Variants in PARVA observed in about 807,000 individuals in gnomAD.
PARVA encodes the protein alpha-parvin.
A neutral mutation model predicts 52.6 loss-of-function variants in PARVA; 25 were observed. The ratio of observed to expected loss-of-function variants is 0.48; its 90% CI spans 0.35 to 0.66. PARVA has a LOEUF of 0.66. Among genes scored for constraint, PARVA ranks in the 30% least tolerant of loss-of-function variants. The pLI, the probability that PARVA is intolerant of heterozygous loss-of-function variation, is 0.01. For synonymous variants in PARVA, 185 were observed against 179.1 expected (o/e 1.03, Z -0.26); for missense variants, 373 against 450.9 (o/e 0.83, Z 1.56).
At chr11:12,409,301 C>T (rs998218622) in intron 1 of PARVA, among the ~76,000 whole-genome samples, 20 of 152,184 alleles carry the variant, frequency 1.3e-4, no homozygotes, top group Non-Finnish European at 2.6e-4. Context: ...GAATGGTTAT[C>T]TCCTACAGTT....
At chr11:12,389,727 G>A (rs1939630292) in intron 1 of PARVA, among the ~76,000 whole-genome samples, 1 of 152,102 alleles carries the variant, frequency 6.6e-6, no homozygotes, top group Non-Finnish European at 1.5e-5. Context: ...GATGCCTCAG[G>A]GGCTCAGTTT....
intron 1 of PARVA, among the ~76,000 whole-genome samples, chr11:12,380,857 T>C (rs533145726): frequency 3.3e-5 from 5 of 152,354 alleles, no homozygotes; most frequent in Admixed American, 3.3e-4. Flanking sequence ...TGCTATCAGC[T>C]TACTCAAAGA....
At chr11:12,496,656 G>A in intron 5 of PARVA, 58 bp downstream of exon 5, 2 of 1,545,974 alleles carry the variant, frequency 1.3e-6, no homozygotes, top group Non-Finnish European at 1.8e-6. Context: ...CCTGCCATGG[G>A]GCTTCCCCAA....
In PARVA at chr11:12,474,003, G is replaced by A. The variant is rs775179550; in HGVS notation, c.297+20G>A. 1.0e-5 allele frequency: 16 copies of A among 1,554,120 alleles called. No individual in the cohort carries two copies. The highest frequency in any genetic ancestry group is 4.1e-5 in the African/African-American group (3 of 73,250). ...ATGAAGGTAAGAAGAAATCAGGAGC[G>A]GCTTCAGGTGCCTCACTGACCCACC... is the stretch of plus-strand genomic sequence containing the variant. On this transcript the variant is annotated intron_variant, in intron 3 of 12. Transcript: ENST00000334956.
chr11:12,445,324 G>A (rs1158851648), intron 1 of PARVA, among the ~76,000 whole-genome samples: 3 of 152,164 alleles, frequency 2.0e-5, no homozygotes, highest in African/African-American at 7.2e-5. Context: ...CTAAATTCCA[G>A]GATAGAGAAA....
At chr11:12,524,944 G>T (rs2114389) in intron 12 of PARVA, among the ~76,000 whole-genome samples, 1 of 152,266 alleles carries the variant, frequency 6.6e-6, no homozygotes, top group Non-Finnish European at 1.5e-5. Context: ...GCGCCCAGGC[G>T]GGGGTCAGGA....
intron 12 of PARVA, among the ~76,000 whole-genome samples, chr11:12,527,469 CTTCTCTGCTA>C (rs1941718739): frequency 6.6e-6 from 1 of 152,296 alleles, no homozygotes; most frequent in East Asian, 1.9e-4. Context: ...GCAAGTCCCC[CTTCTCTGCTA>C]GGCAAGCTTC....
rs558031455 is a variant in PARVA at position 12,400,432 on chromosome 11, T to C, written c.136+22649T>C. 2.0e-3 allele frequency among the ~76,000 whole-genome samples: 302 copies of C among 152,346 alleles called. 1 individual carries two copies. Among genetic ancestry groups the C allele is most frequent in the African/African-American group, 7.0e-3 (292 of 41,584 alleles). On this transcript the variant is annotated intron_variant, in intron 1 of 12. Coordinates refer to ENST00000334956, the MANE Select transcript of PARVA (RefSeq NM_018222.5). Reference sequence around the variant, plus strand: ...TACTTCAGATTGGAGGGCAAGTCAATGTGTGTAGAAAGTCTGTGCATATGG... The same window carrying C: ...TACTTCAGATTGGAGGGCAAGTCAACGTGTGTAGAAAGTCTGTGCATATGG...
intron 4 of PARVA, among the ~76,000 whole-genome samples, chr11:12,486,093 C>G (rs1423910716): frequency 6.6e-6 from 1 of 152,144 alleles, no homozygotes; most frequent in East Asian, 1.9e-4. Context: ...GTACTAATGC[C>G]ATACATAAAT....
intron 4 of PARVA, among the ~76,000 whole-genome samples, chr11:12,492,604 CAGA>C (rs1372540170): frequency 6.6e-6 from 1 of 152,054 alleles, no homozygotes; most frequent in Non-Finnish European, 1.5e-5. Context: ...GTAGGAATAG[CAGA>C]AGAAGTTCGC....
intron 1 of PARVA, among the ~76,000 whole-genome samples, chr11:12,383,275 G>C (rs967249229): frequency 6.6e-6 from 1 of 152,100 alleles, no homozygotes; most frequent in African/African-American, 2.4e-5. Context: ...CTTGCCAGAG[G>C]GCCACTTTTC....
At chr11:12,421,016 CTT>C (rs10622434) in intron 1 of PARVA, among the ~76,000 whole-genome samples, 1 of 142,320 alleles carries the variant, frequency 7.0e-6, no homozygotes, top group Non-Finnish European at 1.5e-5. Context: ...CATGTTAGGA[CTT>C]TTTTTTTTTT....
intron 8 of PARVA, 123 bp downstream of exon 8, chr11:12,511,656 G>T: frequency 9.9e-7 from 1 of 1,006,784 alleles, no homozygotes; most frequent in Non-Finnish European, 1.5e-6. Flanking sequence ...ACCAGCCTGG[G>T]TGACATGGCC....
intron 6 of PARVA, among the ~76,000 whole-genome samples, chr11:12,505,879 G>A (rs761203890): frequency 5.3e-5 from 8 of 152,302 alleles, no homozygotes; most frequent in South Asian, 4.1e-4. Flanking sequence ...GGTGGACATC[G>A]TCCCCATAGG....
chr11:12,412,247 G>A (rs1940001509), intron 1 of PARVA, among the ~76,000 whole-genome samples: 3 of 152,218 alleles, frequency 2.0e-5, no homozygotes, highest in Admixed American at 2.0e-4. Flanking sequence ...CTGGCACACA[G>A]TAGGTGCTTA....
At chr11:12,429,729 G>A (rs145080541) in intron 1 of PARVA, among the ~76,000 whole-genome samples, 33 of 152,148 alleles carry the variant, frequency 2.2e-4, no homozygotes, top group Non-Finnish European at 4.0e-4. Context: ...CATTTATGCC[G>A]GTGGTTGCAA....
rs145030567 is a variant in PARVA, at chr11:12,381,295, G to A, written c.136+3512G>A. Among the ~76,000 whole-genome samples, 22 of 152,252 alleles carry A rather than the reference G, an allele frequency of 1.4e-4. No homozygotes were observed. The East Asian group carries it at 3.7e-3, about 25-fold the overall frequency. ...GCATCCTGGATAAGCTCACAGCTTT[G>A]TGCTCTGTAGAATCTGCCTTCTTCA... On this transcript the variant is annotated intron_variant, in intron 1 of 12. Transcript: ENST00000334956.
chr11:12,466,108 C>T (rs60296579), intron 1 of PARVA, among the ~76,000 whole-genome samples: 2,941 of 152,196 alleles, frequency 0.019, 92 homozygotes, highest in African/African-American at 0.066. Flanking sequence ...AATGAACACC[C>T]TCTCATATGC....
chr11:12,477,955 A>T lies in PARVA; in HGVS notation c.400+6A>T. 6.7e-7 allele frequency: 1 copy of T among 1,489,062 alleles called. No individual in the cohort carries two copies. The highest frequency in any genetic ancestry group is 9.4e-7 in the Non-Finnish European group (1 of 1,065,910). The allele number at this position is 1,489,062 out of a possible 1,614,324, so 92.2% of individuals were successfully genotyped here. A position where few individuals can be genotyped will look rare whatever the true frequency, so the allele number is the denominator to read the frequency against. On this transcript the variant is annotated splice_donor_region_variant and intron_variant, in intron 4 of 12. Coordinates refer to ENST00000334956, the MANE Select transcript of PARVA (RefSeq NM_018222.5). The stretch of plus-strand genomic sequence containing the variant: ...AGTCCTGCAGAAGCTTTTCGGTAGG[A>T]GAGTTGAGTGCTGCAATGGATGTGT...
Sources: allele counts gnomAD v4.1 joint callset (sites outside exome capture counted in the v4.1 genomes callset), GRCh38; gene constraint gnomAD v4.1.1; transcripts MANE v1.5; gene names NCBI Gene and HGNC (gene_info 2026-07-23, HGNC 2026-07-21).